Variants in NDNF observed in about 807,000 individuals in gnomAD.
NDNF encodes the protein protein NDNF.
NDNF carries 16 observed loss-of-function variants against 42.0 expected under a neutral mutation model. The ratio of observed to expected loss-of-function variants is 0.38; its 90% CI spans 0.26 to 0.58. NDNF has a LOEUF of 0.58. Ranked by LOEUF, NDNF falls within the 20% of genes least tolerant of loss-of-function variation. NDNF has a pLI of 0.67. For missense variants in NDNF, 616 were observed against 666.2 expected (o/e 0.92, Z 0.83); for synonymous variants, 248 against 251.7 (o/e 0.99, Z 0.14).
At chr4:121,063,712 G>A (rs543154720) in intron 1 of NDNF, among the ~76,000 whole-genome samples, 2 of 152,236 alleles carry the variant, frequency 1.3e-5, no homozygotes, top group African/African-American at 2.4e-5. Flanking sequence ...GGGGCCATGG[G>A]AGGTTTACAT....
chr4:121,067,295 A>AT (rs1727515269), intron 1 of NDNF, among the ~76,000 whole-genome samples: 1 of 152,294 alleles, frequency 6.6e-6, no homozygotes, highest in East Asian at 1.9e-4. Flanking sequence ...CTCTAGCCAC[A>AT]TTTTTTTAAA....
In NDNF at chr4:121,045,786, T is replaced by C; in HGVS notation, c.52A>G (p.Arg18Gly). ...LLWLLFPLSSRTQKLPTRDEE... is the reference protein window; with the variant it reads ...LLWLLFPLSSGTQKLPTRDEE... ...TCCCGGGTGGGTAACTTCTGGGTCC[T>C]TGAGCTGAGTGGAAACAGGAGCCAC... The change falls in exon 2 of 4, where the codon AGG becomes GGG. Residue 18 changes from arginine to glycine, a missense_variant. Transcript: ENST00000379692. The C allele has an allele frequency of 6.2e-7, 1 of 1,614,188 alleles. No individual in the cohort carries two copies. The highest frequency in any genetic ancestry group is 8.5e-7 in the Non-Finnish European group (1 of 1,180,028).
Position 121,037,201 on chromosome 4 carries a change from A to G in NDNF, c.770T>C (p.Phe257Ser), listed in dbSNP as rs1422307599. The change falls in exon 4 of 4, where the codon TTT (phenylalanine) becomes TCT (serine). Residue 257 changes from phenylalanine to serine, a missense_variant. Transcript: ENST00000379692. ...TTCTTTACCTGAATTATCAGAAGGA[A>G]ATCCAAAGTGGGCAAAGTCAAAGGG... is the stretch of plus-strand genomic sequence containing the variant. ...FSPFDFAHFG[F>S]PSDNSGKERS... The G allele has an allele frequency of 6.2e-7, 1 of 1,614,074 alleles. No homozygotes were observed. Among genetic ancestry groups the G allele is most frequent in the African/African-American group, 1.3e-5 (1 of 75,010 alleles).
intron 3 of NDNF, chr4:121,037,938 A>C: frequency 3.1e-6 from 1 of 319,436 alleles, no homozygotes; most frequent in Non-Finnish European, 5.7e-6. Context: ...AGACATTATT[A>C]ATCCTAACTG....
chr4:121,063,345 T>C (rs1175118134), intron 1 of NDNF, among the ~76,000 whole-genome samples: 6 of 152,212 alleles, frequency 3.9e-5, no homozygotes. Flanking sequence ...AATTTTCTTA[T>C]TGGGCTCTAT....
In NDNF at chr4:121,037,586, T is replaced by G. The variant is rs761594189; in HGVS notation, c.385A>C (p.Lys129Gln). The change falls in exon 4 of 4, where the codon AAA becomes CAA. Residue 129 changes from lysine to glutamine, a missense_variant. Lys to Gln is a moderately conservative substitution (Grantham distance 53). Transcript: ENST00000379692. ...ATAAAATACTCAACATCATTGCCTT[T>G]GTAGGAGAATAACTCAGTGCCTTCC... Reference protein sequence around the residue: ...NEEGTELFSYKGNDVEYFISS... With the variant: ...NEEGTELFSYQGNDVEYFISS... 1 of 1,611,682 alleles carries G rather than the reference T, an allele frequency of 6.2e-7. No homozygotes were observed. Among genetic ancestry groups the G allele is most frequent in the African/African-American group, 1.3e-5 (1 of 74,910 alleles).
intron 1 of NDNF, among the ~76,000 whole-genome samples, chr4:121,068,717 CAGAG>C (rs145199614): frequency 1.6e-4 from 24 of 148,982 alleles, no homozygotes; most frequent in Middle Eastern, 3.5e-3. Flanking sequence ...AAAAGTGAGA[CAGAG>C]AGAGAGAGAG....
chr4:121,048,958 T>A (rs925672249), intron 1 of NDNF, among the ~76,000 whole-genome samples: 2 of 152,222 alleles, frequency 1.3e-5, no homozygotes, highest in African/African-American at 4.8e-5. Context: ...GCAACAACAC[T>A]ATAATGTAGG....
intron 3 of NDNF, 182 bp from the exon 4 acceptor site, chr4:121,037,839 A>T: frequency 4.0e-6 from 2 of 500,702 alleles, no homozygotes; most frequent in East Asian, 3.1e-5. Context: ...ATGTTCTTAT[A>T]TATGTGTAAG....
intron 1 of NDNF, among the ~76,000 whole-genome samples, chr4:121,070,482 T>TCAGGGAC (rs1727571119): frequency 6.6e-6 from 1 of 152,074 alleles, no homozygotes; most frequent in Admixed American, 6.5e-5. Flanking sequence ...TCACAGGCGC[T>TCAGGGAC]CAGGGACCGG....
intron 1 of NDNF, among the ~76,000 whole-genome samples, chr4:121,058,974 T>C (rs1359802760): frequency 1.3e-5 from 2 of 151,908 alleles, no homozygotes; most frequent in African/African-American, 4.8e-5. Context: ...ACCACACTCA[T>C]TTCCTACAAG....
intron 2 of NDNF, among the ~76,000 whole-genome samples, chr4:121,042,162 T>C (rs960815794): frequency 2.0e-5 from 3 of 152,230 alleles, no homozygotes; most frequent in Non-Finnish European, 2.9e-5. Flanking sequence ...TTAGGGTTCA[T>C]TTATCACGCC....
chr4:121,058,817 T>A (rs1205373993), intron 1 of NDNF, among the ~76,000 whole-genome samples: 1 of 152,174 alleles, frequency 6.6e-6, no homozygotes, highest in Non-Finnish European at 1.5e-5. Context: ...ATATCTCTCA[T>A]TCATTTTCTA....
At chr4:121,039,222 A>AAAGACTATG (rs1449175085) in intron 3 of NDNF, among the ~76,000 whole-genome samples, 45,434 of 101,746 alleles carry the variant, frequency 0.45, 14,753 homozygotes, top group East Asian at 0.65. Context: ...ATATATATAT[A>AAAGACTATG]TATATATATA....
Position 121,036,212 on chromosome 4 carries a change from G to T in NDNF, c.*52C>A. The T allele has an allele frequency of 7.0e-7, 1 of 1,431,066 alleles. No homozygotes were observed. The highest frequency in any genetic ancestry group is 1.4e-5 in the South Asian group (1 of 73,564). 88.6% of individuals were successfully genotyped at this position (1,431,066 alleles called of 1,614,324 possible). On this transcript the variant is annotated 3_prime_UTR_variant, in exon 4 of 4. Transcript: ENST00000379692. ...GGAGTAGTCAGTTTATACTTAAAGT[G>T]ATTTAATGTCCCTCCTGGAGTTCTA...
intron 2 of NDNF, 72 bp downstream of exon 2, chr4:121,045,578 T>G (rs1219469928): frequency 1.5e-6 from 2 of 1,321,838 alleles, no homozygotes; most frequent in Non-Finnish European, 2.1e-6. Context: ...AAACTAAGTC[T>G]AAAGGTTACT....
intron 2 of NDNF, among the ~76,000 whole-genome samples, chr4:121,044,518 T>C (rs955891492): frequency 4.7e-5 from 7 of 150,426 alleles, no homozygotes; most frequent in Non-Finnish European, 1.0e-4. Context: ...TTTATATATA[T>C]ATATATTTTA....
intron 1 of NDNF, among the ~76,000 whole-genome samples, chr4:121,057,081 C>T (rs1392130527): frequency 6.6e-6 from 1 of 152,058 alleles, no homozygotes; most frequent in Non-Finnish European, 1.5e-5. Context: ...AGCTTATACT[C>T]AGTGGATAAG....
intron 3 of NDNF, among the ~76,000 whole-genome samples, chr4:121,039,208 A>ATATATAAAGACTATG (rs1726949351): frequency 1.1e-5 from 1 of 93,796 alleles, no homozygotes; most frequent in African/African-American, 4.2e-5. Context: ...ATATATATAT[A>ATATATAAAGACTATG]TATATATATA....
Sources: gnomAD v4.1 joint callset for allele counts (sites outside exome capture counted in the v4.1 genomes callset) on GRCh38, gnomAD v4.1.1 for gene constraint, MANE v1.5 for transcripts, NCBI Gene and HGNC (gene_info 2026-07-23, HGNC 2026-07-21) for gene names.